HECTD3: variants seen among roughly 807,000 people sequenced by gnomAD.
HECTD3 encodes HECT domain E3 ubiquitin protein ligase 3.
HECTD3 carries 72 observed loss-of-function variants against 109.3 expected under a neutral mutation model. That is an observed-to-expected ratio of 0.66 (90% CI 0.54 to 0.80). The LOEUF (loss-of-function observed/expected upper bound fraction) is 0.80. Among genes scored for constraint, HECTD3 ranks in the 30% least tolerant of loss-of-function variants. HECTD3 has a pLI of 0.00. For missense variants in HECTD3, 1,041 were observed against 1,165.2 expected, an observed-to-expected ratio of 0.89 and a Z score of 1.55; for synonymous variants, 481 against 471.8, an observed-to-expected ratio of 1.02 and a Z score of -0.25.
chr1:45,009,351 C>A lies in HECTD3; in HGVS notation c.989+18G>T. On this transcript the variant is annotated intron_variant, in intron 6 of 20. Coordinates refer to ENST00000372172, the MANE Select transcript of HECTD3 (RefSeq NM_024602.6). The stretch of plus-strand genomic sequence containing the variant: ...CTTGGAACATGCCCTACTTCCCTCC[C>A]CAGGCCAGCGTGCTCACTCGTCAAT... 6.3e-7 allele frequency: 1 copy of A among 1,595,216 alleles called. No individual in the cohort carries two copies. The highest frequency in any genetic ancestry group is 1.1e-5 in the South Asian group (1 of 90,446).
chr1:45,007,193 G>A (rs1416398346), intron 11 of HECTD3, 26 bp downstream of exon 11: 2 of 1,602,190 alleles, frequency 1.2e-6, no homozygotes, highest in South Asian at 1.1e-5. Flanking sequence ...GGTGTCCCGA[G>A]TAAGTCCCTC....
chr1:45,011,132 G>A lies in HECTD3; in HGVS notation c.126C>T (p.Phe42=), dbSNP rs778483688. The part of the protein sequence containing the change: ...AGRPLPAALA[F]VPREVLYKLY... The stretch of plus-strand genomic sequence containing the variant: ...GCTTGTAGAGCACCTCTCGCGGCAC[G>A]AAAGCCAGCGCTGCTGGCAGCGGCC... Residue 42 remains phenylalanine (F), a synonymous_variant, in exon 1 of 21, where the codon TTC becomes TTT. Coordinates refer to ENST00000372172, the MANE Select transcript of HECTD3 (RefSeq NM_024602.6). 1.1e-5 allele frequency: 16 copies of A among 1,507,558 alleles called. No homozygotes were observed. The highest frequency in any genetic ancestry group is 1.4e-5 in the Non-Finnish European group (16 of 1,137,180). 93.4% of individuals were successfully genotyped at this position (1,507,558 alleles called of 1,614,324 possible).
intron 11 of HECTD3, 78 bp downstream of exon 11, chr1:45,007,140 GT>G: frequency 1.4e-6 from 2 of 1,398,770 alleles, no homozygotes; most frequent in Non-Finnish European, 2.0e-6. Flanking sequence ...GTGTGTGTGT[GT>G]GTGTGTGTGT....
In HECTD3 at chr1:45,010,833, G is replaced by A. The variant is rs934960181; in HGVS notation, c.369+56C>T. 56 of 1,505,854 alleles carry A rather than the reference G, an allele frequency of 3.7e-5. No homozygotes were observed. The South Asian group carries it at 3.8e-4, about 10-fold the overall frequency. 93.3% of individuals were successfully genotyped at this position (1,505,854 alleles called of 1,614,324 possible). A position where few individuals can be genotyped will look rare whatever the true frequency, so the allele number is the denominator to read the frequency against. On this transcript the variant is annotated intron_variant, in intron 1 of 20. Transcript: ENST00000372172. Reference sequence around the variant, plus strand: ...ACAGGGGAGAAAAGGCAAACAGCCAGAGGTTTCTCTGGCCCCAGGGGTCTT... The same window carrying A: ...ACAGGGGAGAAAAGGCAAACAGCCAAAGGTTTCTCTGGCCCCAGGGGTCTT...
In HECTD3 at chr1:45,010,584, C is replaced by T; in HGVS notation, c.492G>A (p.Gln164=). 6.2e-7 allele frequency: 1 copy of T among 1,613,670 alleles called. No individual in the cohort carries two copies. The highest frequency in any genetic ancestry group is 8.5e-7 in the Non-Finnish European group (1 of 1,179,994). Residue 164 remains glutamine (Q), a synonymous_variant, in exon 2 of 21, where the codon CAG becomes CAA. Transcript: ENST00000372172. ...PIDTPNHLQR[Q]QQLFGVDYRP... is the part of the protein sequence containing the mutation. ...GATAATCCACGCCAAAGAGCTGCTG[C>T]TGCCGCTGGAGGTGGTTGGGAGTGT...
chr1:45,003,642 C>A lies in HECTD3; in HGVS notation c.2501+27G>T. The stretch of plus-strand genomic sequence containing the variant: ...CAGGGGTGATGGGGTCCCCTGGGCC[C>A]CAAATCGAGCCTAGGAAAAAACCCA... On this transcript the variant is annotated intron_variant, in intron 20 of 20. Transcript: ENST00000372172. The surrounding 1 kb of genome is among the most constrained non-coding windows in gnomAD (Gnocchi z 4.7). 2 of 1,614,010 alleles carry A rather than the reference C, an allele frequency of 1.2e-6. No individual in the cohort carries two copies. Among genetic ancestry groups the A allele is most frequent in the Non-Finnish European group, 1.7e-6 (2 of 1,179,914 alleles).
chr1:45,006,233 G>C lies in HECTD3; in HGVS notation c.1726-117C>G. ...TTTCCACTAAATGATCCCTTCAAAT[G>C]CACAGTGGCTCCTCCTCTCCCTGTC... On this transcript the variant is annotated intron_variant, in intron 13 of 20. Coordinates refer to ENST00000372172, the MANE Select transcript of HECTD3 (RefSeq NM_024602.6). This position sits in a 1 kb window ranked among gnomAD's most constrained non-coding sequence, Gnocchi z 4.7. The C allele has an allele frequency of 7.5e-7, 1 of 1,331,996 alleles. No homozygotes were observed. Among genetic ancestry groups the C allele is most frequent in the African/African-American group, 1.4e-5 (1 of 69,380 alleles). 82.5% of individuals were successfully genotyped at this position (1,331,996 alleles called of 1,614,324 possible). A position where few individuals can be genotyped will look rare whatever the true frequency, so the allele number is the denominator to read the frequency against.
chr1:45,004,995 A>T (rs1196523082), intron 15 of HECTD3, 189 bp from the exon 16 acceptor site: 9 of 622,010 alleles, frequency 1.4e-5, no homozygotes, highest in Non-Finnish European at 2.6e-5. Flanking sequence ...CTTGGAGGCC[A>T]GAGGAGGCAT....
chr1:45,009,480 T>C lies in HECTD3; in HGVS notation c.878A>G (p.Lys293Arg). ...LTMKKGTIVK[K>R]LLLTVDTTDD... ...TGTGGTATCCACTGTGAGTAGCAGC[T>C]TCCTGAAGGGTCAGAGTGTGAATAT... The change falls in exon 6 of 21, where the codon AAG becomes AGG. Residue 293 changes from lysine (K) to arginine (R), a missense_variant and splice_region_variant. Physicochemically the swap from Lys to Arg is conservative, Grantham distance 26 (BLOSUM62 2). Coordinates refer to ENST00000372172, the MANE Select transcript of HECTD3 (RefSeq NM_024602.6). 2 of 1,613,484 alleles carry C rather than the reference T, an allele frequency of 1.2e-6. No individual in the cohort carries two copies. The highest frequency in any genetic ancestry group is 1.7e-6 in the Non-Finnish European group (2 of 1,179,446).
chr1:45,007,005 G>T lies in HECTD3; in HGVS notation c.1567C>A (p.Arg523Ser). Residue 523 changes from arginine (R) to serine (S), a missense_variant, in exon 12 of 21, where the codon CGC (arginine) becomes AGC (serine). Transcript: ENST00000372172. ...TTACACTCCCACCACTGGTCATAGCGCATGGGCCACCTGCAAAAAACGTGG... is the reference window on the plus strand; with the variant it reads ...TTACACTCCCACCACTGGTCATAGCTCATGGGCCACCTGCAAAAAACGTGG... ...EKPLDYRWPM[R>S]YDQWWECKFI... 3 of 1,614,050 alleles carry T rather than the reference G, an allele frequency of 1.9e-6. No homozygotes were observed. The highest frequency in any genetic ancestry group is 2.5e-6 in the Non-Finnish European group (3 of 1,180,024).
intron 11 of HECTD3, 85 bp downstream of exon 11, chr1:45,007,134 G>A: frequency 9.0e-6 from 2 of 221,468 alleles, no homozygotes; most frequent in Non-Finnish European, 6.1e-6. Flanking sequence ...AGTTGTGTGT[G>A]TGTGTGTGTG....
chr1:45,007,771 C>CA (rs1644749855), intron 9 of HECTD3, among the ~76,000 whole-genome samples, 176 bp from the exon 10 acceptor site: 1 of 152,092 alleles, frequency 6.6e-6, no homozygotes, highest in Non-Finnish European at 1.5e-5. Flanking sequence ...CTTTCTAAAA[C>CA]AAAAAAATCT....
chr1:45,006,938 C>T lies in HECTD3; in HGVS notation c.1621+13G>A. On this transcript the variant is annotated intron_variant, in intron 12 of 20. Transcript: ENST00000372172. This position sits in a 1 kb window ranked among gnomAD's most constrained non-coding sequence, Gnocchi z 4.7. ...GCAAGCAGGACCCTTGAGATCCTCC[C>T]TCAGGGCCTCACCTTGGTCAATGAT... 6.2e-7 allele frequency: 1 copy of T among 1,613,682 alleles called. No individual in the cohort carries two copies. The highest frequency in any genetic ancestry group is 8.5e-7 in the Non-Finnish European group (1 of 1,179,580).
Position 45,011,259 on chromosome 1 carries a change from G to A in HECTD3, c.-2C>T. The A allele has an allele frequency of 7.4e-7, 1 of 1,351,920 alleles. No individual in the cohort carries two copies. Among genetic ancestry groups the A allele is most frequent in the Admixed American group, 4.0e-5 (1 of 24,806 alleles). The allele number at this position is 1,351,920 out of a possible 1,614,324, so 83.7% of individuals were successfully genotyped here. On this transcript the variant is annotated 5_prime_UTR_variant, in exon 1 of 21. Coordinates refer to ENST00000372172, the MANE Select transcript of HECTD3 (RefSeq NM_024602.6). ...CGCGCCCGGGCCAGGACCCGCCATG[G>A]CGAAGTGGCGGAGGTGAGCACCTAG...
intron 4 of HECTD3, 133 bp downstream of exon 4, chr1:45,009,853 T>C (rs147777922): frequency 8.2e-7 from 1 of 1,216,742 alleles, no homozygotes; most frequent in Non-Finnish European, 1.2e-6. Flanking sequence ...ACGTCCAAGA[T>C]GGGGAGCTGA....
At position 45,008,276 on chromosome 1, in the gene HECTD3, G is replaced by A; in HGVS notation, c.1284C>T (p.Ala428=). ...LDSVLHHLVP[A]WDHTLGTFSE... is the part of the protein sequence containing the mutation. ...TGAAGGTGCCCAGTGTGTGGTCCCA[G>A]GCAGGTACCAGGTGGTGCAGGACAC... The change falls in exon 9 of 21, where the codon GCC becomes GCT. Residue 428 remains alanine (A), a synonymous_variant. Transcript: ENST00000372172. 1 of 1,614,172 alleles carries A rather than the reference G, an allele frequency of 6.2e-7. No individual in the cohort carries two copies. Among genetic ancestry groups the A allele is most frequent in the Non-Finnish European group, 8.5e-7 (1 of 1,180,006 alleles).
intron 7 of HECTD3, 114 bp downstream of exon 7, chr1:45,009,030 C>T: frequency 2.3e-6 from 2 of 869,612 alleles, no homozygotes; most frequent in Non-Finnish European, 3.8e-6. Context: ...GGAGTTAGTT[C>T]AGCATCGCCT....
Position 45,010,725 on chromosome 1 carries a change from T to C in HECTD3, c.370-19A>G. On this transcript the variant is annotated intron_variant, in intron 1 of 20. Transcript: ENST00000372172. ...GCTGCTCCTGCCGGGACGCGTAGGA[T>C]GGGGACAGCCGTCAGGGAACTGCCC... is the stretch of plus-strand genomic sequence containing the variant. 1 of 1,535,034 alleles carries C rather than the reference T, an allele frequency of 6.5e-7. No homozygotes were observed. The highest frequency in any genetic ancestry group is 1.2e-5 in the South Asian group (1 of 82,000).
chr1:45,004,499 G>T, intron 16 of HECTD3, 101 bp downstream of exon 16: 1 of 1,590,668 alleles, frequency 6.3e-7, no homozygotes. Context: ...GGGGGCCAGA[G>T]TTCTTGGAGT....
Sources: gnomAD v4.1 joint callset for allele counts (sites outside exome capture counted in the v4.1 genomes callset) on GRCh38, gnomAD v4.1.1 for gene constraint, Gnocchi (gnomAD v3.1) non-coding constraint, MANE v1.5 for transcripts, NCBI Gene and HGNC (gene_info 2026-07-23, HGNC 2026-07-21) for gene names.